The following DIAPH3 variants were observed in gnomAD, a reference collection of about 807,000 sequenced individuals.
DIAPH3 encodes the protein diaphanous related formin 3.
Under a neutral mutation model 144.3 loss-of-function variants are expected in DIAPH3, and 117 were observed. The observed-to-expected ratio is 0.81, with a 90% CI of 0.70 to 0.95. The LOEUF (loss-of-function observed/expected upper bound fraction) is 0.95. Among genes scored for constraint, DIAPH3 ranks in the 40% least tolerant of loss-of-function variants. The probability of loss-of-function intolerance (pLI) is 0.00; values close to 1 mark genes in which losing one functional copy is unlikely to be tolerated. For synonymous variants in DIAPH3, 519 were observed against 488.9 expected, an observed-to-expected ratio of 1.06 and a Z score of -0.81; for missense variants, 1,421 against 1,412.7, an observed-to-expected ratio of 1.01 and a Z score of -0.09.
intron 2 of DIAPH3, among the ~76,000 whole-genome samples, chr13:60,120,310 A>G (rs191338770): frequency 2.8e-3 from 428 of 152,338 alleles, no homozygotes; most frequent in Non-Finnish European, 4.5e-3. Context: ...TCTTTCAGGT[A>G]TGATAAGCTG....
At chr13:60,119,593 A>C (rs2058786737) in intron 2 of DIAPH3, among the ~76,000 whole-genome samples, 2 of 151,168 alleles carry the variant, frequency 1.3e-5, no homozygotes. Flanking sequence ...TAAAAATACA[A>C]AAAATTAGCC....
chr13:60,024,835 C>T (rs2054271358), intron 5 of DIAPH3, among the ~76,000 whole-genome samples: 1 of 152,148 alleles, frequency 6.6e-6, no homozygotes, highest in Non-Finnish European at 1.5e-5. Context: ...TTCTTTGTTA[C>T]CACTTGACAT....
intron 7 of DIAPH3, among the ~76,000 whole-genome samples, chr13:60,012,364 A>G (rs918091985): frequency 1.3e-5 from 2 of 152,238 alleles, no homozygotes; most frequent in South Asian, 2.1e-4. Flanking sequence ...GGAAAAGTTT[A>G]CAACAAGACA....
intron 21 of DIAPH3, among the ~76,000 whole-genome samples, chr13:59,873,820 T>C (rs1283664793): frequency 2.0e-5 from 3 of 151,722 alleles, no homozygotes; most frequent in Non-Finnish European, 4.4e-5. Context: ...TACAGGCGCC[T>C]GCCACTATGC....
intron 4 of DIAPH3, among the ~76,000 whole-genome samples, chr13:60,059,168 A>T (rs553133376): frequency 2.0e-4 from 31 of 151,966 alleles, no homozygotes; most frequent in Non-Finnish European, 4.4e-4. Flanking sequence ...AAAAAAATTT[A>T]TAAAATAGAA....
intron 24 of DIAPH3, among the ~76,000 whole-genome samples, chr13:59,819,581 G>T (rs1006305424): frequency 3.3e-5 from 5 of 151,462 alleles, no homozygotes; most frequent in Non-Finnish European, 5.9e-5. Context: ...GTATTTCGGG[G>T]GATACTTTAT....
chr13:59,762,350 G>A (rs771705518), intron 27 of DIAPH3, among the ~76,000 whole-genome samples: 12 of 151,994 alleles, frequency 7.9e-5, no homozygotes, highest in African/African-American at 2.2e-4. Flanking sequence ...GTGAGCCACC[G>A]CGCCCGGCTG....
At chr13:60,110,515 C>T (rs187641787) in intron 3 of DIAPH3, among the ~76,000 whole-genome samples, 158 of 152,258 alleles carry the variant, frequency 1.0e-3, no homozygotes, top group Admixed American at 3.7e-3. Context: ...AAGGCAACAA[C>T]ACCCTTCAAA....
chr13:59,694,106 T>C (rs1184429812), intron 27 of DIAPH3, among the ~76,000 whole-genome samples: 1 of 152,180 alleles, frequency 6.6e-6, no homozygotes, highest in African/African-American at 2.4e-5. Context: ...AGATATTATA[T>C]ATTTTTGTCT....
At chr13:59,938,155 T>C (rs1400730759) in intron 17 of DIAPH3, among the ~76,000 whole-genome samples, 2 of 152,198 alleles carry the variant, frequency 1.3e-5, no homozygotes, top group African/African-American at 4.8e-5. Context: ...GGAGTTCCAT[T>C]ATTTGCCTGA....
rs2050336661 is a variant in DIAPH3, at chr13:59,971,027, G to C, written c.1784C>G (p.Pro595Arg). ...CCGCATTCCTGGAAGTGGAGGAGGT[G>C]GTGGGGGAGGAGGTGGAGGCGGCAC... ...GGVPPPPPPP[P>R]PPPLPGMRMP... Residue 595 changes from proline (P) to arginine (R), a missense_variant, in exon 16 of 28, where the codon CCA (proline) becomes CGA (arginine). Pro to Arg is a moderately radical substitution (Grantham distance 103). Transcript: ENST00000400324. 1 of 1,613,556 alleles carries C rather than the reference G, an allele frequency of 6.2e-7. No individual in the cohort carries two copies. The highest frequency in any genetic ancestry group is 8.5e-7 in the Non-Finnish European group (1 of 1,179,764).
chr13:59,993,083 T>C (rs916818984), intron 9 of DIAPH3, among the ~76,000 whole-genome samples: 4 of 151,936 alleles, frequency 2.6e-5, no homozygotes, highest in African/African-American at 4.8e-5. Flanking sequence ...AAACACTGTA[T>C]AATTAATTTC....
chr13:59,980,432 A>T (rs575864906), intron 14 of DIAPH3, among the ~76,000 whole-genome samples: 1 of 151,710 alleles, frequency 6.6e-6, no homozygotes, highest in South Asian at 2.1e-4. Flanking sequence ...TTTAGTTCTT[A>T]CAAAGGGCCA....
chr13:59,971,240 G>T, intron 15 of DIAPH3, 80 bp from the exon 16 acceptor site: 1 of 1,363,062 alleles, frequency 7.3e-7, no homozygotes, highest in Non-Finnish European at 9.9e-7. Flanking sequence ...CAAAAATAAG[G>T]CATTCATTTA....
intron 4 of DIAPH3, among the ~76,000 whole-genome samples, chr13:60,059,772 T>C (rs1431756038): frequency 6.6e-6 from 1 of 152,100 alleles, no homozygotes; most frequent in Admixed American, 6.6e-5. Flanking sequence ...AGGATGAAGA[T>C]GTGTTCAGCA....
chr13:59,909,632 T>C lies in DIAPH3; in HGVS notation c.2367+2103A>G, dbSNP rs141887795. Among the ~76,000 whole-genome samples, 294 of 152,344 alleles carry C rather than the reference T, an allele frequency of 1.9e-3. 2 individuals carry two copies. Among genetic ancestry groups the C allele is most frequent in the Middle Eastern group, 0.01 (3 of 294 alleles). ...CGAAAACAATTTGTTCAAGAGTATATTGTCATAATCAATAGATGACTAAGG... is the reference window on the plus strand; with the variant it reads ...CGAAAACAATTTGTTCAAGAGTATACTGTCATAATCAATAGATGACTAAGG... On this transcript the variant is annotated intron_variant, in intron 20 of 27. Transcript: ENST00000400324.
At chr13:60,062,703 T>C (rs2056819817) in intron 4 of DIAPH3, among the ~76,000 whole-genome samples, 1 of 152,152 alleles carries the variant, frequency 6.6e-6, no homozygotes, top group African/African-American at 2.4e-5. Flanking sequence ...CAGATAGATA[T>C]TACAAAAAGT....
intron 27 of DIAPH3, among the ~76,000 whole-genome samples, chr13:59,714,786 C>G (rs1423389977): frequency 6.6e-6 from 1 of 152,070 alleles, no homozygotes; most frequent in Non-Finnish European, 1.5e-5. Context: ...TTTGATATGG[C>G]TAACTGGGCC....
intron 24 of DIAPH3, among the ~76,000 whole-genome samples, chr13:59,824,394 G>C (rs916448847): frequency 6.6e-6 from 1 of 152,132 alleles, no homozygotes; most frequent in Non-Finnish European, 1.5e-5. Flanking sequence ...ATAATCTACA[G>C]AGACCGGACT....
Sources: gnomAD v4.1 joint callset for allele counts (sites outside exome capture counted in the v4.1 genomes callset) on GRCh38, gnomAD v4.1.1 for gene constraint, MANE v1.5 for transcripts, NCBI Gene and HGNC (gene_info 2026-07-23, HGNC 2026-07-21) for gene names.